IL1RAPL1: variants seen among roughly 807,000 people sequenced by gnomAD.
The protein encoded by IL1RAPL1 is interleukin-1 receptor accessory protein-like 1.
Under a neutral mutation model 48.4 loss-of-function variants are expected in IL1RAPL1, and 3 were observed. The ratio of observed to expected loss-of-function variants is 0.06; its 90% CI spans 0.03 to 0.16. The LOEUF is 0.16. Among genes scored for constraint, IL1RAPL1 ranks in the 10% least tolerant of loss-of-function variants. The probability of loss-of-function intolerance (pLI) is 1.00; values close to 1 mark genes in which losing one functional copy is unlikely to be tolerated. For synonymous variants in IL1RAPL1, 185 were observed against 187.7 expected, an observed-to-expected ratio of 0.99 and a Z score of 0.12; for missense variants, 349 against 530.6, an observed-to-expected ratio of 0.66 and a Z score of 3.36.
intron 2 of IL1RAPL1, among the ~76,000 whole-genome samples, chrX:29,122,577 G>A (rs2147478170): frequency 9.2e-6 from 1 of 108,205 alleles, no homozygotes; most frequent in South Asian, 4.0e-4. Flanking sequence ...CAGGCTCCTA[G>A]GAAAGCATTT....
intron 6 of IL1RAPL1, among the ~76,000 whole-genome samples, chrX:29,834,505 T>C (rs1332257411): frequency 9.2e-6 from 1 of 108,475 alleles, no homozygotes; most frequent in Non-Finnish European, 1.9e-5. Flanking sequence ...TTTTTTTTTT[T>C]TTTTTTTTTG....
intron 2 of IL1RAPL1, among the ~76,000 whole-genome samples, chrX:29,223,913 C>CAT (rs1296713862): frequency 9.0e-6 from 1 of 111,133 alleles, no homozygotes; most frequent in Admixed American, 9.6e-5. Context: ...TTATTTTGTG[C>CAT]ATATATAAAC....
intron 1 of IL1RAPL1, among the ~76,000 whole-genome samples, chrX:28,593,828 A>G (rs888528680): frequency 9.0e-6 from 1 of 111,367 alleles, no homozygotes; most frequent in Non-Finnish European, 1.9e-5. Context: ...TTAGATTAAT[A>G]TGTATGACTT....
intron 3 of IL1RAPL1, among the ~76,000 whole-genome samples, chrX:29,342,102 C>T (rs745544375): frequency 8.3e-4 from 84 of 101,467 alleles, no homozygotes; most frequent in African/African-American, 2.3e-3. Context: ...CCACTGCACA[C>T]GGCCTTGTTT....
intron 3 of IL1RAPL1, among the ~76,000 whole-genome samples, chrX:29,335,200 C>T (rs991237499): frequency 1.9e-5 from 2 of 104,658 alleles, no homozygotes; most frequent in Non-Finnish European, 4.0e-5. Flanking sequence ...TGCAGTGAGC[C>T]GAGATGGCAG....
At chrX:28,661,491 C>T (rs748390083) in intron 1 of IL1RAPL1, among the ~76,000 whole-genome samples, 2 of 110,879 alleles carry the variant, frequency 1.8e-5, no homozygotes, top group Non-Finnish European at 1.9e-5. Flanking sequence ...TCTGAGAGGG[C>T]TTAGTAATAT....
chrX:29,848,987 G>T (rs1035342749), intron 6 of IL1RAPL1, among the ~76,000 whole-genome samples: 1 of 110,000 alleles, frequency 9.1e-6, no homozygotes, highest in Middle Eastern at 4.7e-3. Context: ...GGCTAGTCTC[G>T]AACTCCTACC....
At chrX:29,123,753 T>A (rs1928845149) in intron 2 of IL1RAPL1, among the ~76,000 whole-genome samples, 1 of 111,961 alleles carries the variant, frequency 8.9e-6, no homozygotes, top group South Asian at 3.7e-4. Context: ...ACTGGCCCCA[T>A]GTGGCTGTTG....
At chrX:29,765,817 C>T (rs987396502) in intron 6 of IL1RAPL1, among the ~76,000 whole-genome samples, 3 of 110,871 alleles carry the variant, frequency 2.7e-5, no homozygotes, top group African/African-American at 9.9e-5. Context: ...AACCAAATAC[C>T]ATATGTTCTC....
chrX:29,500,500 C>G (rs1302632452), intron 5 of IL1RAPL1, among the ~76,000 whole-genome samples: 1 of 111,263 alleles, frequency 9.0e-6, no homozygotes, highest in Non-Finnish European at 1.9e-5. Flanking sequence ...TTTTCAGCTC[C>G]CACATATGAA....
At chrX:28,734,784 C>T (rs1283199732) in intron 1 of IL1RAPL1, among the ~76,000 whole-genome samples, 1 of 111,797 alleles carries the variant, frequency 8.9e-6, no homozygotes, top group African/African-American at 3.3e-5. Context: ...GGATCAGTAC[C>T]TATTATTTTG....
intron 2 of IL1RAPL1, among the ~76,000 whole-genome samples, chrX:28,897,500 AGAAAGAGGTTGAGGGATAGT>A (rs2147324088): frequency 1.1e-5 from 1 of 91,775 alleles, no homozygotes. Context: ...GATTGAAAGG[AGAAAGAGGTTGAGGGATAGT>A]GAGAGAGGTT....
chrX:28,611,245 G>A (rs1163094282), intron 1 of IL1RAPL1, among the ~76,000 whole-genome samples: 7 of 111,609 alleles, frequency 6.3e-5, no homozygotes, highest in Non-Finnish European at 1.3e-4. Flanking sequence ...AGTTCCCAAG[G>A]ACTTAAGGGT....
At chrX:29,549,942 G>T (rs1921748561) in intron 5 of IL1RAPL1, among the ~76,000 whole-genome samples, 1 of 111,690 alleles carries the variant, frequency 9.0e-6, no homozygotes, top group Non-Finnish European at 1.9e-5. Flanking sequence ...ACAGAAGTAT[G>T]CATTATACAG....
chrX:29,026,362 G>A (rs148395627), intron 2 of IL1RAPL1, among the ~76,000 whole-genome samples: 49 of 111,723 alleles, frequency 4.4e-4, no homozygotes, highest in Middle Eastern at 9.2e-3. Flanking sequence ...ATCCAAATTT[G>A]CAGTAGTGCA....
chrX:29,790,985 C>T (rs1929615854), intron 6 of IL1RAPL1, among the ~76,000 whole-genome samples: 1 of 110,932 alleles, frequency 9.0e-6, no homozygotes, highest in South Asian at 3.9e-4. Context: ...GTACCAAGCT[C>T]ATTTTCATCT....
At chrX:28,757,700 C>G (rs1936120425) in intron 1 of IL1RAPL1, among the ~76,000 whole-genome samples, 1 of 111,959 alleles carries the variant, frequency 8.9e-6, no homozygotes, top group Non-Finnish European at 1.9e-5. Flanking sequence ...AGAGAGGCTC[C>G]TATTTCCAAT....
At chrX:28,954,192 A>C (rs1407402580) in intron 2 of IL1RAPL1, among the ~76,000 whole-genome samples, 4 of 111,116 alleles carry the variant, frequency 3.6e-5, no homozygotes, top group Non-Finnish European at 7.6e-5. Flanking sequence ...AATGAGTTTT[A>C]AAATAAAGTA....
intron 1 of IL1RAPL1, among the ~76,000 whole-genome samples, chrX:28,633,868 A>G (rs1934428278): frequency 8.9e-6 from 1 of 112,053 alleles, no homozygotes; most frequent in Admixed American, 9.5e-5. Flanking sequence ...TAATCGAAAA[A>G]TAATTGTGTA....
Sources: gnomAD v4.1 joint callset for allele counts (sites outside exome capture counted in the v4.1 genomes callset) on GRCh38, gnomAD v4.1.1 for gene constraint, MANE v1.5 for transcripts, NCBI Gene and HGNC (gene_info 2026-07-23, HGNC 2026-07-21) for gene names.